Variants in CRB1 observed in about 807,000 individuals in gnomAD.
The protein encoded by CRB1 is crumbs cell polarity complex component 1.
CRB1 carries 83 observed loss-of-function variants against 120.0 expected under a neutral mutation model. The ratio of observed to expected loss-of-function variants is 0.69; its 90% CI spans 0.58 to 0.83. The LOEUF (loss-of-function observed/expected upper bound fraction) is 0.83, where lower values mean the gene tolerates loss of function less well. Among genes scored for constraint, CRB1 ranks in the 40% least tolerant of loss-of-function variants. CRB1 has a pLI of 0.00. For synonymous variants in CRB1, 625 were observed against 612.5 expected, an observed-to-expected ratio of 1.02 and a Z score of -0.30; for missense variants, 1,699 against 1,687.6, an observed-to-expected ratio of 1.01 and a Z score of -0.12.
intron 11 of CRB1, among the ~76,000 whole-genome samples, chr1:197,471,396 G>T (rs563071401): frequency 6.6e-6 from 1 of 152,250 alleles, no homozygotes; most frequent in East Asian, 1.9e-4. Flanking sequence ...CAAACCCAGT[G>T]GGAGCTTATC....
chr1:197,202,519 C>A, the CRB1 span, among the ~76,000 whole-genome samples: 1 of 151,938 alleles, frequency 6.6e-6, no homozygotes, highest in Admixed American at 6.6e-5. Flanking sequence ...AAAAAATTAT[C>A]AAAAATAACT....
chr1:197,419,441 C>A (rs1664173916), intron 5 of CRB1, among the ~76,000 whole-genome samples: 1 of 150,982 alleles, frequency 6.6e-6, no homozygotes, highest in Non-Finnish European at 1.5e-5. Context: ...TGGCTCACTG[C>A]AATCTTCACC....
At chr1:197,383,451 G>A (rs563018989) in intron 5 of CRB1, among the ~76,000 whole-genome samples, 13 of 152,166 alleles carry the variant, frequency 8.5e-5, no homozygotes, top group African/African-American at 2.4e-4. Context: ...CCTGAAGCAA[G>A]AATTAAGGAG....
At chr1:197,429,837 T>A (rs1448768842) in intron 8 of CRB1, among the ~76,000 whole-genome samples, 2 of 152,228 alleles carry the variant, frequency 1.3e-5, no homozygotes, top group Non-Finnish European at 2.9e-5. Flanking sequence ...TAAACCTAGA[T>A]GCTTAATCAT....
chr1:197,456,829 A>G (rs1438704550), intron 11 of CRB1, among the ~76,000 whole-genome samples: 1 of 152,162 alleles, frequency 6.6e-6, no homozygotes, highest in East Asian at 1.9e-4. Context: ...CCATAATCAC[A>G]TGGACACAGC....
At chr1:197,450,623 A>G (rs1445442987) in intron 11 of CRB1, among the ~76,000 whole-genome samples, 1 of 151,944 alleles carries the variant, frequency 6.6e-6, no homozygotes, top group African/African-American at 2.4e-5. Context: ...TGAGAATGGA[A>G]AAATAGATTT....
At chr1:197,290,918 T>C (rs1656137480) in intron 1 of CRB1, among the ~76,000 whole-genome samples, 1 of 151,856 alleles carries the variant, frequency 6.6e-6, no homozygotes, top group Non-Finnish European at 1.5e-5. Context: ...GTACTAAATG[T>C]ATTTTTAATT....
At chr1:197,240,061 T>C in the CRB1 span, among the ~76,000 whole-genome samples, 2 of 151,852 alleles carry the variant, frequency 1.3e-5, no homozygotes, top group African/African-American at 4.8e-5. Context: ...CATAGAACAA[T>C]GTCAGTGTTA....
the CRB1 span, among the ~76,000 whole-genome samples, chr1:197,252,614 G>GTGTGTGTGTT: frequency 1.0e-5 from 1 of 97,364 alleles, no homozygotes; most frequent in Non-Finnish European, 2.2e-5. Context: ...GTGTGTGTGT[G>GTGTGTGTGTT]ATATATATAT....
At chr1:197,363,931 A>C (rs1660920160) in intron 5 of CRB1, 1 of 1,309,656 alleles carries the variant, frequency 7.6e-7, no homozygotes, top group Admixed American at 1.7e-5. Context: ...CACTGAGGAC[A>C]TTAAGCTTCG....
Position 197,434,690 on chromosome 1 carries a change from C to A in CRB1, c.2843-16C>A. On this transcript the variant is annotated splice_polypyrimidine_tract_variant and intron_variant, in intron 8 of 11. Coordinates refer to ENST00000367400, the MANE Select transcript of CRB1 (RefSeq NM_201253.3). ...ATTTAATAAAGTTATTGATTATTAT[C>A]ACCTTCTCTCATTAGGTATTGCAAA... 6.2e-7 allele frequency: 1 copy of A among 1,602,550 alleles called. No individual in the cohort carries two copies. The highest frequency in any genetic ancestry group is 8.5e-7 in the Non-Finnish European group (1 of 1,170,272).
At chr1:197,294,258 T>A (rs1466325861) in intron 1 of CRB1, among the ~76,000 whole-genome samples, 1 of 152,118 alleles carries the variant, frequency 6.6e-6, no homozygotes, top group Non-Finnish European at 1.5e-5. Flanking sequence ...GCAAAGGACA[T>A]GAACAGACAG....
chr1:197,344,556 C>CA, intron 3 of CRB1, 80 bp downstream of exon 3: 1 of 1,345,654 alleles, frequency 7.4e-7, no homozygotes, highest in Non-Finnish European at 1.1e-6. Context: ...GAATTTAGAG[C>CA]TCTCACGTTC....
At chr1:197,453,247 ATAAG>A (rs1377441070) in intron 11 of CRB1, among the ~76,000 whole-genome samples, 1 of 149,016 alleles carries the variant, frequency 6.7e-6, no homozygotes, top group Non-Finnish European at 1.5e-5. Context: ...ATGTCATTAA[ATAAG>A]TATGTGTGTA....
intron 5 of CRB1, among the ~76,000 whole-genome samples, chr1:197,406,369 T>C (rs1442852743): frequency 6.6e-6 from 1 of 152,110 alleles, no homozygotes; most frequent in Admixed American, 6.5e-5. Context: ...AACAGATGCT[T>C]GAAGGCAGCA....
chr1:197,250,631 T>C, the CRB1 span, among the ~76,000 whole-genome samples: 1 of 152,028 alleles, frequency 6.6e-6, no homozygotes, highest in African/African-American at 2.4e-5. Flanking sequence ...GCTTGTGTAG[T>C]TACAGCAAAG....
At chr1:197,460,648 A>G (rs1390125307) in intron 11 of CRB1, among the ~76,000 whole-genome samples, 1 of 152,114 alleles carries the variant, frequency 6.6e-6, no homozygotes, top group Non-Finnish European at 1.5e-5. Context: ...AAGTGAAGTG[A>G]CTTACTTGGG....
chr1:197,301,917 A>T (rs1458165840), intron 1 of CRB1, among the ~76,000 whole-genome samples: 1 of 152,158 alleles, frequency 6.6e-6, no homozygotes, highest in Non-Finnish European at 1.5e-5. Flanking sequence ...TGTGAAATGA[A>T]ATCTACTCCT....
At chr1:197,452,598 C>T (rs544788385) in intron 11 of CRB1, among the ~76,000 whole-genome samples, 9 of 151,972 alleles carry the variant, frequency 5.9e-5, no homozygotes, top group Admixed American at 2.0e-4. Flanking sequence ...ATCTTATAGA[C>T]GGGGGAAATA....
Sources: gnomAD v4.1 joint callset for allele counts (sites outside exome capture counted in the v4.1 genomes callset) on GRCh38, gnomAD v4.1.1 for gene constraint, MANE v1.5 for transcripts, NCBI Gene and HGNC (gene_info 2026-07-23, HGNC 2026-07-21) for gene names.